The following OCA2 variants were observed in gnomAD, a reference collection of about 807,000 sequenced individuals.
The protein encoded by OCA2 is OCA2 melanosomal transmembrane protein, also known as P protein.
A neutral mutation model predicts 100.2 loss-of-function variants in OCA2; 77 were observed. The observed-to-expected ratio is 0.77, with a 90% CI of 0.64 to 0.93. The LOEUF (loss-of-function observed/expected upper bound fraction) is 0.93, where lower values mean the gene tolerates loss of function less well. Among genes scored for constraint, OCA2 ranks in the 40% least tolerant of loss-of-function variants. The pLI is 0.00. For missense variants in OCA2, 1,062 were observed against 1,089.1 expected (o/e 0.98, Z 0.35); for synonymous variants, 432 against 439.2 (o/e 0.98, Z 0.21).
chr15:27,948,855 C>T (rs1044288631), intron 18 of OCA2, among the ~76,000 whole-genome samples: 4 of 152,150 alleles, frequency 2.6e-5, no homozygotes, highest in Non-Finnish European at 5.9e-5. Context: ...AGGTGGCATA[C>T]GATCTGATTC....
chr15:27,851,664 T>C (rs1342655277), intron 21 of OCA2, among the ~76,000 whole-genome samples, 189 bp from the exon 22 acceptor site: 2 of 152,182 alleles, frequency 1.3e-5, no homozygotes, highest in Non-Finnish European at 1.5e-5. Context: ...CTGTATGTCT[T>C]TGATGCCAGC....
At position 27,925,851 on chromosome 15, in the gene OCA2, T is replaced by C. The variant is rs189712544; in HGVS notation, c.2079+276A>G. On this transcript the variant is annotated intron_variant, in intron 19 of 23. Transcript: ENST00000354638. ...GTAATTTAGCTCCAAACTCAACTTA[T>C]AGTAAATTATATTTTATAGAAAATG... Among the ~76,000 whole-genome samples the C allele has an allele frequency of 2.5e-3, 388 of 152,294 alleles. 4 individuals are homozygous for C. Among genetic ancestry groups the C allele is most frequent in the African/African-American group, 9.1e-3 (377 of 41,560 alleles).
intron 19 of OCA2, among the ~76,000 whole-genome samples, chr15:27,904,208 C>G (rs1230710559): frequency 6.6e-6 from 1 of 152,168 alleles, no homozygotes; most frequent in South Asian, 2.1e-4. Context: ...TCAGCTCCCT[C>G]GCTCGCTCCA....
chr15:27,818,450 T>A (rs1257782544), intron 23 of OCA2, among the ~76,000 whole-genome samples: 1 of 152,106 alleles, frequency 6.6e-6, no homozygotes, highest in Non-Finnish European at 1.5e-5. Context: ...AATTTTACAG[T>A]CTAATAGTAT....
intron 19 of OCA2, among the ~76,000 whole-genome samples, chr15:27,887,200 T>C (rs1363154703): frequency 6.6e-6 from 1 of 152,192 alleles, no homozygotes; most frequent in African/African-American, 2.4e-5. Context: ...CCTCTTTCCT[T>C]TGTAAATTGC....
rs1444988470 is a variant in OCA2 at position 27,985,074 on chromosome 15, C to T, written c.1354G>A (p.Val452Met). Residue 452 changes from valine to methionine, a missense_variant, in exon 13 of 24, where the codon GTG becomes ATG. Val to Met is a conservative substitution (Grantham distance 21). Coordinates refer to ENST00000354638, the MANE Select transcript of OCA2 (RefSeq NM_000275.3). ...NVTTMLLFTP[V>M]TIRLCEVLNL... ...AGGTGCTTTGCGTACCTTATGGTCA[C>T]AGGCGTGAAGAGGAGCATGGTGGTG... 1 of 1,613,906 alleles carries T rather than the reference C, an allele frequency of 6.2e-7. No individual in the cohort carries two copies. The highest frequency in any genetic ancestry group is 1.7e-5 in the Admixed American group (1 of 60,004).
At chr15:27,983,658 C>G (rs1332792839) in intron 13 of OCA2, among the ~76,000 whole-genome samples, 175 bp from the exon 14 acceptor site, 1 of 152,148 alleles carries the variant, frequency 6.6e-6, no homozygotes, top group Non-Finnish European at 1.5e-5. Context: ...CCCCCGCAGG[C>G]CACAGCTCAC....
intron 16 of OCA2, among the ~76,000 whole-genome samples, chr15:27,956,955 C>A (rs371582808): frequency 1.4e-3 from 209 of 152,316 alleles, no homozygotes; most frequent in African/African-American, 4.8e-3. Context: ...CATCTCCACC[C>A]CCTCTCAGCT....
intron 23 of OCA2, among the ~76,000 whole-genome samples, chr15:27,841,122 G>A (rs185072633): frequency 1.4e-4 from 22 of 152,356 alleles, no homozygotes; most frequent in Admixed American, 1.4e-3. Context: ...ACCATGGAGT[G>A]CAATGCAAAG....
intron 19 of OCA2, among the ~76,000 whole-genome samples, chr15:27,877,032 C>G (rs1170676764): frequency 6.6e-6 from 1 of 151,634 alleles, no homozygotes; most frequent in African/African-American, 2.4e-5. Context: ...TACAAGTTTC[C>G]CTCTAAGCTA....
chr15:27,854,836 C>G (rs2035895101), intron 21 of OCA2, among the ~76,000 whole-genome samples: 1 of 152,116 alleles, frequency 6.6e-6, no homozygotes, highest in Non-Finnish European at 1.5e-5. Context: ...ACACGGCACG[C>G]CACCCGGAAC....
intron 2 of OCA2, among the ~76,000 whole-genome samples, chr15:28,074,839 C>T (rs2044382497): frequency 6.6e-6 from 1 of 152,046 alleles, no homozygotes; most frequent in East Asian, 1.9e-4. Context: ...AGCGAGACTC[C>T]GTCTCAAAAA....
chr15:27,928,368 A>C lies in OCA2; in HGVS notation c.1952-2114T>G, dbSNP rs184901755. ...CTGAATAGAGCAAGTGAGAAAACAA[A>C]ATTTCCAGTATCAAGAAGAAGATCA... is the stretch of plus-strand genomic sequence containing the variant. On this transcript the variant is annotated intron_variant, in intron 18 of 23. Transcript: ENST00000354638. 5.8e-3 allele frequency among the ~76,000 whole-genome samples: 884 copies of C among 152,234 alleles called. 8 individuals are homozygous for C. The highest frequency in any genetic ancestry group is 0.011 in the Admixed American group (168 of 15,290).
intron 11 of OCA2, among the ~76,000 whole-genome samples, chr15:27,987,057 A>G (rs1341564528): frequency 6.6e-6 from 1 of 152,248 alleles, no homozygotes; most frequent in Non-Finnish European, 1.5e-5. Context: ...GTGTCCACAC[A>G]AGCAACACTT....
At chr15:27,841,573 A>C (rs2151365507) in intron 23 of OCA2, among the ~76,000 whole-genome samples, 1 of 152,350 alleles carries the variant, frequency 6.6e-6, no homozygotes, top group South Asian at 2.1e-4. Flanking sequence ...ATGGAGCTAA[A>C]GTTTATCCAT....
At chr15:27,837,700 C>T (rs1382207368) in intron 23 of OCA2, among the ~76,000 whole-genome samples, 1 of 151,966 alleles carries the variant, frequency 6.6e-6, no homozygotes, top group Admixed American at 6.6e-5. Flanking sequence ...AAGACATTGA[C>T]ATACACTGGG....
intron 6 of OCA2, among the ~76,000 whole-genome samples, chr15:28,019,356 G>A (rs531794380): frequency 1.3e-5 from 2 of 151,366 alleles, no homozygotes; most frequent in East Asian, 3.9e-4. Context: ...CAAGGACGGC[G>A]CCCTTAACTG....
intron 19 of OCA2, among the ~76,000 whole-genome samples, chr15:27,908,799 T>C (rs974244937): frequency 1.8e-4 from 27 of 152,222 alleles, no homozygotes; most frequent in Non-Finnish European, 3.7e-4. Flanking sequence ...ATAAACATCC[T>C]CTGCCTAACA....
chr15:27,879,099 A>C (rs113850869), intron 19 of OCA2, among the ~76,000 whole-genome samples: 2,780 of 152,298 alleles, frequency 0.018, 84 homozygotes, highest in African/African-American at 0.063. Context: ...AAATGAGAAC[A>C]TGCAGAGCTT....
Sources: allele counts gnomAD v4.1 joint callset (sites outside exome capture counted in the v4.1 genomes callset), GRCh38; gene constraint gnomAD v4.1.1; transcripts MANE v1.5; gene names NCBI Gene and HGNC (gene_info 2026-07-23, HGNC 2026-07-21).